TLE4: variants seen among roughly 807,000 people sequenced by gnomAD.
The protein encoded by TLE4 is TLE family member 4, transcriptional corepressor.
TLE4 carries 8 observed loss-of-function variants against 92.8 expected under a neutral mutation model. The ratio of observed to expected loss-of-function variants is 0.09; its 90% CI spans 0.05 to 0.16. TLE4 has a LOEUF of 0.16. Among genes scored for constraint, TLE4 ranks in the 10% least tolerant of loss-of-function variants. The probability of loss-of-function intolerance (pLI) is 1.00; values close to 1 mark genes in which losing one functional copy is unlikely to be tolerated. For missense variants in TLE4, 675 were observed against 997.6 expected (o/e 0.68, Z 4.36); for synonymous variants, 371 against 374.1 (o/e 0.99, Z 0.10).
chr9:79,602,733 G>A (rs1020049046), intron 4 of TLE4, among the ~76,000 whole-genome samples: 2 of 152,136 alleles, frequency 1.3e-5, no homozygotes, highest in Admixed American at 6.5e-5. Context: ...TCTGTAGCCC[G>A]TGGATCAAGG....
chr9:79,632,814 C>A (rs2054656584), intron 6 of TLE4, among the ~76,000 whole-genome samples: 1 of 152,118 alleles, frequency 6.6e-6, no homozygotes, highest in East Asian at 1.9e-4. Context: ...TTGTTACTGT[C>A]TTTACTGAAT....
At chr9:79,596,400 A>G (rs2044027825) in intron 4 of TLE4, among the ~76,000 whole-genome samples, 2 of 152,182 alleles carry the variant, frequency 1.3e-5, no homozygotes, top group African/African-American at 4.8e-5. Flanking sequence ...AAATACTGAG[A>G]ATGTCTTTTC....
At chr9:79,654,455 A>C (rs190046993) in intron 8 of TLE4, among the ~76,000 whole-genome samples, 1 of 152,206 alleles carries the variant, frequency 6.6e-6, no homozygotes, top group African/African-American at 2.4e-5. Context: ...TTGAGGAAAC[A>C]GCTCCAACCT....
chr9:79,691,660 C>T lies in TLE4; in HGVS notation c.610-13123C>T, dbSNP rs115597426. On this transcript the variant is annotated intron_variant, in intron 8 of 19. Coordinates refer to ENST00000376552, the MANE Select transcript of TLE4 (RefSeq NM_007005.6). ...TGCTCCAGTGCCATTGCCAGCTTTCCGCTTCTTCAGAGCTATGCATGTGTT... is the reference window on the plus strand; with the variant it reads ...TGCTCCAGTGCCATTGCCAGCTTTCTGCTTCTTCAGAGCTATGCATGTGTT... Among the ~76,000 whole-genome samples the T allele has an allele frequency of 9.9e-3, 1,512 of 152,170 alleles. 21 individuals carry two copies. Among genetic ancestry groups the T allele is most frequent in the African/African-American group, 0.034 (1,428 of 41,496 alleles).
chr9:79,697,338 T>C (rs1383549008), intron 8 of TLE4, among the ~76,000 whole-genome samples: 2 of 152,192 alleles, frequency 1.3e-5, no homozygotes, highest in Non-Finnish European at 2.9e-5. Context: ...ATGCCATCTC[T>C]AATGATCAGG....
At chr9:79,671,366 G>A (rs1292910893) in intron 8 of TLE4, 3 of 429,166 alleles carry the variant, frequency 7.0e-6, no homozygotes, top group South Asian at 3.2e-5. Context: ...CTACCCTGAC[G>A]AGCTCAACGA....
intron 4 of TLE4, among the ~76,000 whole-genome samples, chr9:79,578,787 T>C (rs903863381): frequency 6.6e-6 from 1 of 152,132 alleles, no homozygotes; most frequent in African/African-American, 2.4e-5. Context: ...TTAATTTAAA[T>C]TTTGGTAACT....
At chr9:79,718,606 TG>T in intron 14 of TLE4, 115 bp from the exon 15 acceptor site, 1 of 1,394,124 alleles carries the variant, frequency 7.2e-7, no homozygotes, top group Non-Finnish European at 9.6e-7. Flanking sequence ...AAATTCGATT[TG>T]TTCGTAAATC....
rs371120431 is a variant in TLE4, at chr9:79,644,348, T to C, written c.391-8245T>C. ...CAATCAAACCTCTTTCCTTTATAAA[T>C]TACCCAGTCTTGGGTATGTCTATAT... is the stretch of plus-strand genomic sequence containing the variant. On this transcript the variant is annotated intron_variant, in intron 6 of 19. Transcript: ENST00000376552. Among the ~76,000 whole-genome samples, 82 of 152,236 alleles carry C rather than the reference T, an allele frequency of 5.4e-4. No homozygotes were observed. The East Asian group carries it at 0.011, about 20-fold the overall frequency.
chr9:79,718,315 C>G (rs765521675), intron 14 of TLE4, among the ~76,000 whole-genome samples: 17 of 152,166 alleles, frequency 1.1e-4, no homozygotes, highest in Admixed American at 3.3e-4. Flanking sequence ...TAGGCGAGGT[C>G]TCATCACAGG....
intron 8 of TLE4, among the ~76,000 whole-genome samples, chr9:79,667,492 TATAAC>T (rs1384535020): frequency 2.0e-5 from 3 of 152,186 alleles, no homozygotes; most frequent in East Asian, 3.8e-4. Flanking sequence ...AATTCTAAAA[TATAAC>T]ATACATATAC....
chr9:79,703,437 T>C (rs1263448436), intron 8 of TLE4, among the ~76,000 whole-genome samples: 1 of 152,232 alleles, frequency 6.6e-6, no homozygotes, highest in Non-Finnish European at 1.5e-5. Flanking sequence ...GCTTAGTCAC[T>C]AGGCAGTTGT....
intron 6 of TLE4, among the ~76,000 whole-genome samples, chr9:79,635,593 C>T (rs1186266516): frequency 1.3e-5 from 2 of 148,486 alleles, no homozygotes; most frequent in Non-Finnish European, 3.0e-5. Context: ...TTTTTTCCCA[C>T]AAGGACATGG....
chr9:79,595,457 G>T (rs555729600), intron 4 of TLE4, among the ~76,000 whole-genome samples: 1 of 152,156 alleles, frequency 6.6e-6, no homozygotes, highest in Non-Finnish European at 1.5e-5. Context: ...TGAACTAAAC[G>T]TAGTTAACCG....
chr9:79,669,733 C>T lies in TLE4; in HGVS notation c.609+15658C>T, dbSNP rs61742761. On this transcript the variant is annotated intron_variant, in intron 8 of 19. Coordinates refer to ENST00000376552, the MANE Select transcript of TLE4 (RefSeq NM_007005.6). ...TGTAATTGTGCTTGTTCCAGTACTT[C>T]ATGTGACCAAATCTAGGAAAGAATA... Among the ~76,000 whole-genome samples, 1,473 of 151,990 alleles carry T rather than the reference C, an allele frequency of 9.7e-3. 28 individuals are homozygous for T. Among genetic ancestry groups the T allele is most frequent in the African/African-American group, 0.033 (1,375 of 41,508 alleles).
chr9:79,635,403 A>G (rs1169651908), intron 6 of TLE4, among the ~76,000 whole-genome samples: 1 of 151,886 alleles, frequency 6.6e-6, no homozygotes, highest in East Asian at 1.9e-4. Flanking sequence ...GTCAAAGTTA[A>G]ACTTAGGCTT....
chr9:79,719,927 A>T, intron 15 of TLE4, 119 bp from the exon 16 acceptor site: 1 of 1,292,794 alleles, frequency 7.7e-7, no homozygotes, highest in Non-Finnish European at 1.1e-6. Context: ...TCATTGTCAT[A>T]AGTATAAACG....
intron 9 of TLE4, 114 bp from the exon 10 acceptor site, chr9:79,705,775 C>A: frequency 1.9e-6 from 2 of 1,033,118 alleles, no homozygotes; most frequent in Non-Finnish European, 3.1e-6. Context: ...GTATTTAACA[C>A]TGTTTGGTAC....
intron 19 of TLE4, among the ~76,000 whole-genome samples, chr9:79,723,599 T>C (rs2075984949): frequency 6.6e-6 from 1 of 152,212 alleles, no homozygotes; most frequent in South Asian, 2.1e-4. Flanking sequence ...TCCTCCTCTC[T>C]CCTACTGGTA....
Sources: gnomAD v4.1 joint callset for allele counts (sites outside exome capture counted in the v4.1 genomes callset) on GRCh38, gnomAD v4.1.1 for gene constraint, MANE v1.5 for transcripts, NCBI Gene and HGNC (gene_info 2026-07-23, HGNC 2026-07-21) for gene names.